RNF152: variants seen among roughly 807,000 people sequenced by gnomAD.
The protein encoded by RNF152 is E3 ubiquitin-protein ligase RNF152.
In RNF152, 11 loss-of-function variants were observed where a neutral mutation model predicts 12.7. The observed-to-expected ratio is 0.86, with a 90% confidence interval of 0.54 to 1.43. The LOEUF is 1.43. Among genes scored for constraint, RNF152 ranks in the 40% most tolerant of loss-of-function variants. RNF152 has a pLI of 0.00. For missense variants in RNF152, 255 were observed against 274.8 expected, an observed-to-expected ratio of 0.93 and a Z score of 0.51; for synonymous variants, 113 against 120.3, an observed-to-expected ratio of 0.94 and a Z score of 0.40.
intron 1 of RNF152, among the ~76,000 whole-genome samples, chr18:61,851,350 G>C (rs1487786292): frequency 1.3e-5 from 2 of 152,188 alleles, no homozygotes; most frequent in Non-Finnish European, 2.9e-5. Context: ...CCTACCAGTA[G>C]TAGGTGTCCA....
intron 1 of RNF152, among the ~76,000 whole-genome samples, chr18:61,824,542 C>A (rs555781024): frequency 6.6e-6 from 1 of 152,304 alleles, no homozygotes; most frequent in Admixed American, 6.5e-5. Flanking sequence ...TCCCTTGATG[C>A]CTTCAGCTTA....
intron 1 of RNF152, among the ~76,000 whole-genome samples, chr18:61,876,562 A>G (rs1311394507): frequency 6.6e-6 from 1 of 152,240 alleles, no homozygotes; most frequent in African/African-American, 2.4e-5. Flanking sequence ...CATCTCCTTA[A>G]CAGAATGACA....
chr18:61,861,385 T>C (rs954478854), intron 1 of RNF152, among the ~76,000 whole-genome samples: 22 of 152,376 alleles, frequency 1.4e-4, no homozygotes, highest in African/African-American at 5.3e-4. Flanking sequence ...AGTATAATAA[T>C]ATGCTGTACA....
chr18:61,816,132 GCA>G lies in RNF152; in HGVS notation c.330_331del (p.Leu112AlafsTer26). 6.2e-7 allele frequency: 1 copy of G among 1,614,204 alleles called. No homozygotes were observed. Among genetic ancestry groups the G allele is most frequent in the Admixed American group, 1.7e-5 (1 of 60,026 alleles). On this transcript the variant is annotated frameshift_variant, in exon 2 of 2. Transcript: ENST00000312828. LOFTEE classifies it high-confidence loss of function. ...GCAGCCCATGTCTCCGGGCAGCAGC[GCA>G]CGCTCCTTGGAGATGGGCAGGGGCA...
At chr18:61,867,140 A>G (rs546328866) in intron 1 of RNF152, among the ~76,000 whole-genome samples, 1 of 152,296 alleles carries the variant, frequency 6.6e-6, no homozygotes, top group East Asian at 1.9e-4. Flanking sequence ...GGAACTCAAG[A>G]GTTACCCATG....
intron 1 of RNF152, among the ~76,000 whole-genome samples, chr18:61,849,145 G>T (rs1209560317): frequency 2.0e-5 from 3 of 152,180 alleles, no homozygotes; most frequent in African/African-American, 7.2e-5. Context: ...ACTGAGGGGA[G>T]ATGGGTGGAG....
At chr18:61,886,301 G>C (rs1324288831) in intron 1 of RNF152, among the ~76,000 whole-genome samples, 2 of 152,118 alleles carry the variant, frequency 1.3e-5, no homozygotes, top group African/African-American at 4.8e-5. Flanking sequence ...TGTTGTCAAA[G>C]AGTCACCAAT....
chr18:61,871,002 C>T (rs529220499), intron 1 of RNF152, among the ~76,000 whole-genome samples: 3 of 152,166 alleles, frequency 2.0e-5, no homozygotes, highest in Non-Finnish European at 2.9e-5. Context: ...CCCCAAGGCC[C>T]TGCACCTGCT....
At chr18:61,884,051 C>T (rs1912581930) in intron 1 of RNF152, among the ~76,000 whole-genome samples, 2 of 152,122 alleles carry the variant, frequency 1.3e-5, no homozygotes, top group Non-Finnish European at 2.9e-5. Context: ...CTATTCATCC[C>T]GATATTTCCA....
intron 1 of RNF152, among the ~76,000 whole-genome samples, chr18:61,882,078 T>G (rs1392065454): frequency 6.6e-6 from 1 of 152,250 alleles, no homozygotes; most frequent in Admixed American, 6.5e-5. Flanking sequence ...CAGAAACTTT[T>G]TGAGTGCAAA....
In RNF152 at chr18:61,811,009, A is replaced by G. The variant is rs1488871312; in HGVS notation, c.*4843T>C. ...TTGCACCGATAACTTTTGAACTTCT[A>G]TCTTCCTATTAAGGCTAAAGAAAGA... On this transcript the variant is annotated 3_prime_UTR_variant, in exon 2 of 2. Coordinates refer to ENST00000312828, the MANE Select transcript of RNF152 (RefSeq NM_173557.3). 4 of 151,582 alleles carry G rather than the reference A, an allele frequency of 2.6e-5. No homozygotes were observed. Among genetic ancestry groups the G allele is most frequent in the South Asian group, 2.1e-4 (1 of 4,796 alleles). The allele number at this position is 151,582 out of a possible 1,614,324, so 9.4% of individuals were successfully genotyped here.
intron 1 of RNF152, among the ~76,000 whole-genome samples, chr18:61,865,560 T>C (rs1911688166): frequency 6.6e-6 from 1 of 152,174 alleles, no homozygotes; most frequent in South Asian, 2.1e-4. Context: ...TTTATAGACT[T>C]TGTTGAATTG....
chr18:61,872,857 T>G lies in RNF152; in HGVS notation c.-136+19938A>C, dbSNP rs541558956. On this transcript the variant is annotated intron_variant, in intron 1 of 1. Coordinates refer to ENST00000312828, the MANE Select transcript of RNF152 (RefSeq NM_173557.3). ...CATGACTGAAATTAAAACTCTAAAA[T>G]TTTTAGTATTTCATTTTTAATGCCA... 1.2e-4 allele frequency among the ~76,000 whole-genome samples: 19 copies of G among 152,306 alleles called. No individual in the cohort carries two copies. The South Asian group carries it at 3.9e-3, about 32-fold the overall frequency.
intron 1 of RNF152, among the ~76,000 whole-genome samples, chr18:61,837,350 T>C (rs539013575): frequency 6.6e-6 from 1 of 152,322 alleles, no homozygotes; most frequent in South Asian, 2.1e-4. Context: ...CATTTTAAAA[T>C]ATGAACTGCA....
Position 61,852,115 on chromosome 18 carries a change from T to C in RNF152, c.-135-35517A>G, listed in dbSNP as rs1010848141. ...AGGAATATGACGAGGCCAGCAGCAA[T>C]GGCAATTTTCAAAAACCGTGGCTTC... On this transcript the variant is annotated intron_variant, in intron 1 of 1. Transcript: ENST00000312828. 5.3e-5 allele frequency among the ~76,000 whole-genome samples: 8 copies of C among 152,122 alleles called. No homozygotes were observed. In the East Asian group the frequency reaches 5.8e-4, roughly 11 times the overall value.
chr18:61,815,964 G>T lies in RNF152; in HGVS notation c.500C>A (p.Ser167Ter). ...RRGVVKSSTW[S>*]GVCTVILVAC... Reference sequence around the variant, plus strand: ...CACCAAGATGACAGTGCACACCCCCGACCAGGTGGAGCTTTTCACCACGCC... The same window carrying T: ...CACCAAGATGACAGTGCACACCCCCTACCAGGTGGAGCTTTTCACCACGCC... The change falls in exon 2 of 2, where the codon TCG (serine) becomes TAG (stop). Residue 167 changes from serine to a stop codon, truncating the protein, a stop_gained. Transcript: ENST00000312828. LOFTEE classifies it high-confidence loss of function. 1 of 1,614,122 alleles carries T rather than the reference G, an allele frequency of 6.2e-7. No homozygotes were observed. Among genetic ancestry groups the T allele is most frequent in the South Asian group, 1.1e-5 (1 of 91,052 alleles).
intron 1 of RNF152, among the ~76,000 whole-genome samples, chr18:61,841,685 T>A (rs959163788): frequency 1.1e-4 from 16 of 152,210 alleles, no homozygotes; most frequent in African/African-American, 3.9e-4. Context: ...AAAACAGAAT[T>A]GTGCGTATAA....
intron 1 of RNF152, among the ~76,000 whole-genome samples, chr18:61,879,653 G>A (rs1053150987): frequency 6.6e-6 from 1 of 152,110 alleles, no homozygotes; most frequent in African/African-American, 2.4e-5. Context: ...AGTAACTAGA[G>A]AGGGAGGATT....
intron 1 of RNF152, among the ~76,000 whole-genome samples, chr18:61,874,290 T>G (rs1912122467): frequency 6.6e-6 from 1 of 152,214 alleles, no homozygotes; most frequent in African/African-American, 2.4e-5. Context: ...TAATGTCTTT[T>G]GAAGAGCAGA....
Sources: gnomAD v4.1 joint callset for allele counts (sites outside exome capture counted in the v4.1 genomes callset) on GRCh38, gnomAD v4.1.1 for gene constraint, MANE v1.5 for transcripts, NCBI Gene and HGNC (gene_info 2026-07-23, HGNC 2026-07-21) for gene names.